Variants in LPP observed in about 807,000 individuals in gnomAD.
The protein encoded by LPP is lipoma-preferred partner.
In LPP, 38 loss-of-function variants were observed where a neutral mutation model predicts 60.4. That is an observed-to-expected ratio of 0.63 (90% CI 0.49 to 0.83). The LOEUF (loss-of-function observed/expected upper bound fraction) is 0.83. Ranked by LOEUF, LPP falls within the 40% of genes least tolerant of loss-of-function variation. LPP has a pLI of 0.00. For missense variants in LPP, 902 were observed against 783.6 expected, an observed-to-expected ratio of 1.15 and a Z score of -1.80; for synonymous variants, 328 against 290.8, an observed-to-expected ratio of 1.13 and a Z score of -1.30.
chr3:188,505,226 C>T (rs1288080498), intron 5 of LPP, among the ~76,000 whole-genome samples: 1 of 152,162 alleles, frequency 6.6e-6, no homozygotes, highest in East Asian at 1.9e-4. Context: ...TTTGTGGTGC[C>T]TCCTGCTTTG....
intron 3 of LPP, among the ~76,000 whole-genome samples, chr3:188,382,106 G>A (rs1777069021): frequency 6.6e-6 from 1 of 152,062 alleles, no homozygotes; most frequent in African/African-American, 2.4e-5. Context: ...TTTGAAGATA[G>A]AGAAAAAAGC....
At chr3:188,868,448 A>G (rs1217166458) in intron 10 of LPP, among the ~76,000 whole-genome samples, 1 of 152,112 alleles carries the variant, frequency 6.6e-6, no homozygotes, top group East Asian at 1.9e-4. Context: ...TAAAAGGGGG[A>G]AAAAAATTAA....
chr3:188,487,194 C>G (rs1366411837), intron 5 of LPP, among the ~76,000 whole-genome samples: 1 of 152,040 alleles, frequency 6.6e-6, no homozygotes, highest in South Asian at 2.1e-4. Flanking sequence ...TCATTAGAAA[C>G]AAAACAAATA....
intron 1 of LPP, among the ~76,000 whole-genome samples, chr3:188,162,384 G>A (rs1718548331): frequency 6.6e-6 from 1 of 152,164 alleles, no homozygotes; most frequent in Non-Finnish European, 1.5e-5. Context: ...TTGCAAATGA[G>A]CATAGTTGAT....
intron 7 of LPP, among the ~76,000 whole-genome samples, chr3:188,677,827 G>C (rs1417692032): frequency 6.6e-6 from 1 of 151,950 alleles, no homozygotes; most frequent in Non-Finnish European, 1.5e-5. Flanking sequence ...TGTTTAAGGT[G>C]TTTACATCAG....
At chr3:188,636,360 A>G (rs943520621) in intron 7 of LPP, among the ~76,000 whole-genome samples, 2 of 152,144 alleles carry the variant, frequency 1.3e-5, no homozygotes, top group African/African-American at 4.8e-5. Context: ...GGCTTAAAAA[A>G]CGGTGCACCA....
intron 4 of LPP, among the ~76,000 whole-genome samples, chr3:188,407,791 T>G (rs79561584): frequency 0.061 from 2,060 of 33,968 alleles, 114 homozygotes; most frequent in Middle Eastern, 0.17. Flanking sequence ...TTTGTTTGTT[T>G]TTTTTTTTTT....
At chr3:188,522,143 C>T (rs1003018201) in intron 5 of LPP, among the ~76,000 whole-genome samples, 1 of 152,210 alleles carries the variant, frequency 6.6e-6, no homozygotes, top group Non-Finnish European at 1.5e-5. Context: ...AGTATACAGA[C>T]CTGCTGGCCT....
chr3:188,719,020 T>C (rs1386246380), intron 8 of LPP, among the ~76,000 whole-genome samples: 1 of 152,140 alleles, frequency 6.6e-6, no homozygotes, highest in South Asian at 2.1e-4. Flanking sequence ...GGAAAACATA[T>C]AAACTAGAGT....
At chr3:188,486,163 GA>G (rs1806445518) in intron 5 of LPP, among the ~76,000 whole-genome samples, 2 of 151,994 alleles carry the variant, frequency 1.3e-5, no homozygotes, top group South Asian at 4.1e-4. Flanking sequence ...CCTATAATAA[GA>G]AGTGTAAAAG....
At chr3:188,482,270 T>A (rs1805012677) in intron 4 of LPP, among the ~76,000 whole-genome samples, 2 of 152,178 alleles carry the variant, frequency 1.3e-5, no homozygotes, top group Admixed American at 1.3e-4. Flanking sequence ...CAGGCAGTTA[T>A]TTATAGCAGT....
Position 188,408,176 on chromosome 3 carries a change from CCTCT to C in LPP, c.193+1868_193+1871del, listed in dbSNP as rs370371633. Among the ~76,000 whole-genome samples, 308 of 152,178 alleles carry C rather than the reference CCTCT, an allele frequency of 2.0e-3. 3 individuals are homozygous for C. Among genetic ancestry groups the C allele is most frequent in the African/African-American group, 7.2e-3 (299 of 41,504 alleles). On this transcript the variant is annotated intron_variant, in intron 4 of 11. Coordinates refer to ENST00000617246, the MANE Select transcript of LPP (RefSeq NM_001375462.1). The stretch of plus-strand genomic sequence containing the variant: ...AACTTTTGGGGAAAGCTTCAGTGGA[CCTCT>C]CTCTAATCTGAACAGAATACAGACA...
At position 188,492,205 on chromosome 3, in the gene LPP, T is replaced by G. The variant is rs1808573404; in HGVS notation, c.306+7501T>G. Among the ~76,000 whole-genome samples, 5 of 152,242 alleles carry G rather than the reference T, an allele frequency of 3.3e-5. No homozygotes were observed. In the South Asian group the frequency reaches 1.0e-3, roughly 32 times the overall value. ...TTTCTGTATAGGGAGTAATATACTA[T>G]GCTTGCATATTTCAGAACATTTCCT... is the stretch of plus-strand genomic sequence containing the variant. On this transcript the variant is annotated intron_variant, in intron 5 of 11. Coordinates refer to ENST00000617246, the MANE Select transcript of LPP (RefSeq NM_001375462.1).
At chr3:188,451,083 T>A (rs7621433) in intron 4 of LPP, among the ~76,000 whole-genome samples, 52,875 of 151,894 alleles carry the variant, frequency 0.35, 10,470 homozygotes, top group African/African-American at 0.53. Flanking sequence ...CATAAAGGCT[T>A]CACTAGGGTT....
intron 7 of LPP, among the ~76,000 whole-genome samples, chr3:188,613,249 T>TCTATATCTATAC (rs1182630929): frequency 1.5e-5 from 2 of 131,582 alleles, no homozygotes; most frequent in Non-Finnish European, 3.2e-5. Flanking sequence ...ATTTTATATA[T>TCTATATCTATAC]CTATATCTAT....
chr3:188,710,330 T>A (rs1322618867), intron 8 of LPP: 1 of 152,134 alleles, frequency 6.6e-6, no homozygotes, highest in Non-Finnish European at 1.5e-5. Context: ...CTCTTCTCTG[T>A]CCCTCGCTGG....
chr3:188,181,955 T>G (rs1449248265), intron 1 of LPP, among the ~76,000 whole-genome samples: 1 of 152,254 alleles, frequency 6.6e-6, no homozygotes, highest in Non-Finnish European at 1.5e-5. Context: ...CTCATAGTTT[T>G]CTGTTTTAGG....
At chr3:188,408,283 T>C (rs907260909) in intron 4 of LPP, among the ~76,000 whole-genome samples, 3 of 152,156 alleles carry the variant, frequency 2.0e-5, no homozygotes, top group African/African-American at 7.2e-5. Flanking sequence ...CTGAGCGTTA[T>C]GGTGAGGGCA....
chr3:188,614,127 C>A (rs1844417317), intron 7 of LPP, among the ~76,000 whole-genome samples: 2 of 151,918 alleles, frequency 1.3e-5, no homozygotes, highest in South Asian at 4.1e-4. Flanking sequence ...CAGGGTTTCA[C>A]CATGTTGGCC....
Sources: allele counts gnomAD v4.1 joint callset (sites outside exome capture counted in the v4.1 genomes callset), GRCh38; gene constraint gnomAD v4.1.1; transcripts MANE v1.5; gene names NCBI Gene and HGNC (gene_info 2026-07-23, HGNC 2026-07-21).